FMO3: variants seen among roughly 807,000 people sequenced by gnomAD.
FMO3 encodes the protein flavin-containing monooxygenase 3.
Under a neutral mutation model 39.4 loss-of-function variants are expected in FMO3, and 40 were observed. That is an observed-to-expected ratio of 1.02 (90% CI 0.79 to 1.32). The LOEUF is 1.32. Among genes scored for constraint, FMO3 ranks in the 40% most tolerant of loss-of-function variants. FMO3 has a pLI of 0.00. For missense variants in FMO3, 680 were observed against 651.8 expected (o/e 1.04, Z -0.47); for synonymous variants, 219 against 228.8 (o/e 0.96, Z 0.39).
intron 2 of FMO3, among the ~76,000 whole-genome samples, chr1:171,102,890 C>T (rs1655470424): frequency 1.3e-5 from 2 of 152,080 alleles, no homozygotes; most frequent in Admixed American, 1.3e-4. Flanking sequence ...AAAGCTAAAA[C>T]TTTGTTACTT....
chr1:171,106,305 T>G (rs1655635543), intron 3 of FMO3, among the ~76,000 whole-genome samples: 1 of 152,028 alleles, frequency 6.6e-6, no homozygotes, highest in South Asian at 2.1e-4. Flanking sequence ...CATGCCCAAC[T>G]AATTTTGTAT....
At chr1:171,103,700 G>T (rs1655509586) in intron 2 of FMO3, 85 bp from the exon 3 acceptor site, 1 of 1,110,984 alleles carries the variant, frequency 9.0e-7, no homozygotes, top group South Asian at 1.2e-5. Context: ...ACCAAGGGAT[G>T]ACTGTAATTA....
At position 171,117,333 on chromosome 1, in the gene FMO3, T is replaced by G; in HGVS notation, c.1490T>G (p.Met497Arg). The stretch of plus-strand genomic sequence containing the variant: ...CAGTGGGACCGGTCGTTGAAACCCA[T>G]GCAGACACGAGTGGTCGGGAGACTT... ...LTQWDRSLKP[M>R]QTRVVGRLQK... The change falls in exon 9 of 9, where the codon ATG becomes AGG. Residue 497 changes from methionine (M) to arginine (R), a missense_variant. Transcript: ENST00000367755. The G allele has an allele frequency of 6.2e-7, 1 of 1,613,816 alleles. No individual in the cohort carries two copies. Among genetic ancestry groups the G allele is most frequent in the African/African-American group, 1.3e-5 (1 of 75,028 alleles).
Position 171,107,806 on chromosome 1 carries a change from G to A in FMO3, c.453G>A (p.Val151=). 1.9e-6 allele frequency: 3 copies of A among 1,613,962 alleles called. No homozygotes were observed. Among genetic ancestry groups the A allele is most frequent in the South Asian group, 2.2e-5 (2 of 91,086 alleles). ...TAATGGTTTGTTCCGGACATCATGT[G>A]TATCCCAACCTACCAAAAGAGTCCT... The part of the protein sequence containing the change: ...DAVMVCSGHH[V]YPNLPKESFP... The change falls in exon 4 of 9, where the codon GTG becomes GTA. Residue 151 remains valine (V), a synonymous_variant. Coordinates refer to ENST00000367755, the MANE Select transcript of FMO3 (RefSeq NM_001002294.3).
chr1:171,116,980 T>C, intron 8 of FMO3, 120 bp from the exon 9 acceptor site: 1 of 780,736 alleles, frequency 1.3e-6, no homozygotes, highest in South Asian at 1.5e-5. Context: ...GGAAATTTTT[T>C]TAGAAAGAGA....
chr1:171,112,611 A>T (rs1249958163), intron 6 of FMO3, among the ~76,000 whole-genome samples: 1 of 152,170 alleles, frequency 6.6e-6, no homozygotes, highest in Non-Finnish European at 1.5e-5. Context: ...AATGTGAAAA[A>T]CTGCAGGAGG....
chr1:171,117,363 AG>A lies in FMO3; in HGVS notation c.1521del (p.Lys507AsnfsTer9), dbSNP rs781468590. 3.3e-5 allele frequency: 53 copies of A among 1,612,742 alleles called. No individual in the cohort carries two copies. Among genetic ancestry groups the A allele is most frequent in the African/African-American group, 6.7e-5 (5 of 74,752 alleles). On this transcript the variant is annotated frameshift_variant, in exon 9 of 9. Transcript: ENST00000367755. LOFTEE classifies it low-confidence loss of function (END_TRUNC). ...MQTRVVGRLQ[K>X]PCFFFHWLKL... ...ACACGAGTGGTCGGGAGACTTCAGAAGCCTTGCTTCTTTTTCCATTGGCTGA... is the reference window on the plus strand; with the variant it reads ...ACACGAGTGGTCGGGAGACTTCAGAACCTTGCTTCTTTTTCCATTGGCTGA...
intron 6 of FMO3, among the ~76,000 whole-genome samples, chr1:171,112,352 G>A (rs2101919345): frequency 6.6e-6 from 1 of 152,302 alleles, no homozygotes; most frequent in East Asian, 1.9e-4. Flanking sequence ...ATCATTCAAT[G>A]TAAGGGTAGG....
At position 171,114,111 on chromosome 1, in the gene FMO3, C is replaced by T; in HGVS notation, c.932C>T (p.Ala311Val). The change falls in exon 7 of 9, where the codon GCC becomes GTC. Residue 311 changes from alanine (A) to valine (V), a missense_variant. Transcript: ENST00000367755. ...PNVKEFTETS[A>V]IFEDGTIFEG... is the part of the protein sequence containing the mutation. ...GTGAAGGAATTCACAGAGACCTCGG[C>T]CATTTTTGAGGATGGGACCATATTT... 1.9e-6 allele frequency: 3 copies of T among 1,613,812 alleles called. No individual in the cohort carries two copies. Among genetic ancestry groups the T allele is most frequent in the Non-Finnish European group, 2.5e-6 (3 of 1,179,828 alleles).
chr1:171,095,052 T>C (rs1444340493), intron 2 of FMO3, among the ~76,000 whole-genome samples: 2 of 152,210 alleles, frequency 1.3e-5, no homozygotes, highest in African/African-American at 4.8e-5. Context: ...TTCCAATCCA[T>C]GAGCATGAGA....
intron 3 of FMO3, among the ~76,000 whole-genome samples, chr1:171,106,035 T>C (rs1445223850): frequency 6.6e-6 from 1 of 152,098 alleles, no homozygotes; most frequent in East Asian, 1.9e-4. Context: ...AAAAGGAAAG[T>C]AAAATACCTT....
At chr1:171,096,174 A>G (rs377648969) in intron 2 of FMO3, among the ~76,000 whole-genome samples, 5,927 of 73,620 alleles carry the variant, frequency 0.081, 270 homozygotes, top group East Asian at 0.21. Context: ...ATATAATTAT[A>G]TATAATATAT....
chr1:171,096,025 A>ATTTT (rs1491256935), intron 2 of FMO3, among the ~76,000 whole-genome samples: 2 of 45,972 alleles, frequency 4.4e-5, no homozygotes, highest in Non-Finnish European at 7.1e-5. Flanking sequence ...ATTATATATT[A>ATTTT]ATATATAATA....
intron 2 of FMO3, chr1:171,100,486 G>C (rs1655331026): frequency 6.6e-6 from 1 of 152,238 alleles, no homozygotes; most frequent in South Asian, 2.1e-4. Context: ...GGTTACCCAT[G>C]CTTGTCCCAC....
intron 2 of FMO3, among the ~76,000 whole-genome samples, chr1:171,095,694 C>T (rs1410295816): frequency 1.4e-5 from 2 of 143,490 alleles, no homozygotes; most frequent in African/African-American, 5.2e-5. Flanking sequence ...CTCTTGAAAC[C>T]ACCCAGCATC....
chr1:171,092,893 C>A (rs1344295928), intron 2 of FMO3, 103 bp downstream of exon 2: 1 of 1,240,940 alleles, frequency 8.1e-7, no homozygotes, highest in African/African-American at 1.5e-5. Flanking sequence ...TGGCAGTTAT[C>A]ATATCTGTTA....
chr1:171,096,219 T>C (rs1455008688), intron 2 of FMO3, among the ~76,000 whole-genome samples: 1 of 63,986 alleles, frequency 1.6e-5, no homozygotes, highest in Non-Finnish European at 2.3e-5. Context: ...TATTTATATA[T>C]AAATACATAA....
intron 7 of FMO3, among the ~76,000 whole-genome samples, chr1:171,114,684 A>C (rs1480239423): frequency 6.6e-6 from 1 of 152,216 alleles, no homozygotes; most frequent in Non-Finnish European, 1.5e-5. Flanking sequence ...CAACTTTATA[A>C]AATTATGATT....
chr1:171,093,562 C>T (rs1471376612), intron 2 of FMO3, among the ~76,000 whole-genome samples: 6 of 151,270 alleles, frequency 4.0e-5, no homozygotes, highest in Non-Finnish European at 1.5e-5. Context: ...TATGTATATA[C>T]CACATTTTCT....
Sources: allele counts gnomAD v4.1 joint callset (sites outside exome capture counted in the v4.1 genomes callset), GRCh38; gene constraint gnomAD v4.1.1; transcripts MANE v1.5; gene names NCBI Gene and HGNC (gene_info 2026-07-23, HGNC 2026-07-21).